The following WWOX variants were observed in gnomAD, a reference collection of about 807,000 sequenced individuals.
WWOX encodes WW domain-containing oxidoreductase.
A neutral mutation model predicts 46.2 loss-of-function variants in WWOX; 69 were observed. That is an observed-to-expected ratio of 1.49 (90% CI 1.23 to 1.82). WWOX has a LOEUF of 1.82. Ranked by LOEUF, WWOX falls within the 40% of genes most tolerant of loss-of-function variation. The pLI is 0.00. For synonymous variants in WWOX, 359 were observed against 202.6 expected, an observed-to-expected ratio of 1.77 and a Z score of -6.56; for missense variants, 919 against 542.6, an observed-to-expected ratio of 1.69 and a Z score of -6.89.
intron 8 of WWOX, among the ~76,000 whole-genome samples, chr16:78,779,035 C>G (rs1480931533): frequency 6.6e-6 from 1 of 152,214 alleles, no homozygotes; most frequent in Non-Finnish European, 1.5e-5. Flanking sequence ...TGAGCTTAAT[C>G]TACTTGTGGA....
chr16:78,983,980 C>G (rs1376262567), intron 8 of WWOX, among the ~76,000 whole-genome samples: 1 of 146,344 alleles, frequency 6.8e-6, no homozygotes, highest in African/African-American at 2.5e-5. Flanking sequence ...CAGGTTCACG[C>G]TATTCTCCTG....
chr16:78,997,135 C>T (rs938550938), intron 8 of WWOX, among the ~76,000 whole-genome samples: 12 of 150,670 alleles, frequency 8.0e-5, no homozygotes, highest in Non-Finnish European at 1.5e-4. Context: ...TCGAGTGGTT[C>T]GTGTGTGTGC....
At chr16:78,363,379 T>G (rs1364356074) in intron 5 of WWOX, among the ~76,000 whole-genome samples, 1 of 151,806 alleles carries the variant, frequency 6.6e-6, no homozygotes, top group Non-Finnish European at 1.5e-5. Context: ...GCTCCAGTGA[T>G]TTTCCTTTCT....
chr16:79,015,040 AG>A (rs746205458), intron 8 of WWOX, among the ~76,000 whole-genome samples: 1 of 152,184 alleles, frequency 6.6e-6, no homozygotes, highest in Non-Finnish European at 1.5e-5. Context: ...GTGACATGAA[AG>A]GGGCCTTTCT....
chr16:78,463,280 T>C (rs1281025729), intron 8 of WWOX, among the ~76,000 whole-genome samples: 1 of 152,200 alleles, frequency 6.6e-6, no homozygotes, highest in African/African-American at 2.4e-5. Context: ...CAGGTATAGG[T>C]AGGCATTGTC....
intron 8 of WWOX, among the ~76,000 whole-genome samples, chr16:78,500,126 C>T (rs563179241): frequency 4.6e-5 from 7 of 152,298 alleles, no homozygotes; most frequent in African/African-American, 1.7e-4. Flanking sequence ...CATTCTAATG[C>T]ATGAGCTCAT....
chr16:79,050,814 G>A (rs1156546928), intron 8 of WWOX, among the ~76,000 whole-genome samples: 1 of 152,224 alleles, frequency 6.6e-6, no homozygotes, highest in Non-Finnish European at 1.5e-5. Context: ...CTCTTCTGCC[G>A]CCTTTAGGAA....
intron 5 of WWOX, among the ~76,000 whole-genome samples, chr16:78,199,291 T>C (rs892928479): frequency 6.6e-6 from 1 of 150,808 alleles, no homozygotes; most frequent in African/African-American, 2.5e-5. Context: ...CCAGCCTGGG[T>C]GACAGAGCGA....
chr16:78,950,242 T>C (rs1267307797), intron 8 of WWOX, among the ~76,000 whole-genome samples: 3 of 152,144 alleles, frequency 2.0e-5, no homozygotes, highest in African/African-American at 7.2e-5. Context: ...TGAATTACGG[T>C]CTTTAGCTCA....
chr16:78,699,702 G>A (rs573137634), intron 8 of WWOX, among the ~76,000 whole-genome samples: 5 of 152,192 alleles, frequency 3.3e-5, no homozygotes, highest in African/African-American at 1.2e-4. Context: ...GATATCTACA[G>A]CCTCTACCAG....
At chr16:79,117,228 C>A (rs1200856092) in intron 8 of WWOX, among the ~76,000 whole-genome samples, 1 of 152,050 alleles carries the variant, frequency 6.6e-6, no homozygotes, top group East Asian at 1.9e-4. Context: ...CCAGGCTGGT[C>A]TTGAACTTGT....
rs572261983 is a variant in WWOX, at chr16:78,947,213, C to A, written c.1057-264395C>A. On this transcript the variant is annotated intron_variant, in intron 8 of 8. Transcript: ENST00000566780. ...TAACAATGAAATAAATTAGGATAAT[C>A]CAACTGGAGGCCTGCAAATGAGTTT... 9.9e-5 allele frequency among the ~76,000 whole-genome samples: 15 copies of A among 152,028 alleles called. 1 individual carries two copies. Among genetic ancestry groups the A allele is most frequent in the Admixed American group, 9.2e-4 (14 of 15,286 alleles).
intron 8 of WWOX, among the ~76,000 whole-genome samples, chr16:78,764,247 C>T (rs369232649): frequency 1.3e-5 from 2 of 151,836 alleles, no homozygotes; most frequent in Non-Finnish European, 2.9e-5. Context: ...TAAACGGCTC[C>T]GCCTTCCTGC....
intron 8 of WWOX, among the ~76,000 whole-genome samples, chr16:78,815,274 A>T (rs1451806874): frequency 6.6e-6 from 1 of 152,010 alleles, no homozygotes; most frequent in African/African-American, 2.4e-5. Context: ...GCAGTGAGCC[A>T]AGATTGTGCC....
intron 5 of WWOX, among the ~76,000 whole-genome samples, chr16:78,278,217 A>T (rs2079613850): frequency 6.6e-6 from 1 of 152,216 alleles, no homozygotes; most frequent in Non-Finnish European, 1.5e-5. Flanking sequence ...GTGTATGTGT[A>T]TACAGTGAAA....
At chr16:78,458,990 G>T (rs2083890156) in intron 8 of WWOX, among the ~76,000 whole-genome samples, 1 of 152,168 alleles carries the variant, frequency 6.6e-6, no homozygotes, top group Admixed American at 6.5e-5. Flanking sequence ...AGTTGTCCCA[G>T]GCTAGTTGGT....
chr16:78,377,658 C>T (rs2081861932), intron 5 of WWOX, among the ~76,000 whole-genome samples: 1 of 152,158 alleles, frequency 6.6e-6, no homozygotes, highest in South Asian at 2.1e-4. Context: ...GAATATATTG[C>T]ATAGAGGGAA....
In WWOX at chr16:78,684,667, G is replaced by C. The variant is rs569821678; in HGVS notation, c.1056+251915G>C. Among the ~76,000 whole-genome samples the C allele has an allele frequency of 2.6e-4, 40 of 152,276 alleles. 1 individual carries two copies. The highest frequency in any genetic ancestry group is 9.4e-4 in the African/African-American group (39 of 41,554). ...GAAAGGACTCTGCCCTCATGGATGG[G>C]GTTGGGGGACCTGTTATCTTCTTCC... On this transcript the variant is annotated intron_variant, in intron 8 of 8. Transcript: ENST00000566780.
chr16:78,661,947 G>C (rs2047223784), intron 8 of WWOX, among the ~76,000 whole-genome samples: 2 of 152,196 alleles, frequency 1.3e-5, no homozygotes, highest in African/African-American at 2.4e-5. Flanking sequence ...AGGAGGATAA[G>C]GTGGGAGGAT....
Sources: allele counts gnomAD v4.1 joint callset (sites outside exome capture counted in the v4.1 genomes callset), GRCh38; gene constraint gnomAD v4.1.1; transcripts MANE v1.5; gene names NCBI Gene and HGNC (gene_info 2026-07-23, HGNC 2026-07-21).